LPP: variants seen among roughly 807,000 people sequenced by gnomAD.
The protein encoded by LPP is lipoma-preferred partner.
In LPP, 38 loss-of-function variants were observed where a neutral mutation model predicts 60.4. The observed-to-expected ratio is 0.63, with a 90% CI of 0.49 to 0.83. The LOEUF (loss-of-function observed/expected upper bound fraction) is 0.83, where lower values mean the gene tolerates loss of function less well. LPP is among the 40% of genes least tolerant of loss of function. The pLI, the probability that LPP is intolerant of heterozygous loss-of-function variation, is 0.00. For missense variants in LPP, 902 were observed against 783.6 expected (o/e 1.15, Z -1.80); for synonymous variants, 328 against 290.8 (o/e 1.13, Z -1.30).
intron 6 of LPP, among the ~76,000 whole-genome samples, chr3:188,530,454 C>A (rs1474045934): frequency 6.6e-6 from 1 of 152,152 alleles, no homozygotes; most frequent in Admixed American, 6.5e-5. Context: ...GAGTGAATTG[C>A]AGACAAAATG....
chr3:188,314,889 A>G (rs907573834), intron 2 of LPP, among the ~76,000 whole-genome samples: 1 of 152,144 alleles, frequency 6.6e-6, no homozygotes, highest in East Asian at 1.9e-4. Context: ...TAACATTTAC[A>G]TGGGTTATTT....
chr3:188,367,261 C>A (rs1457976818), intron 3 of LPP, among the ~76,000 whole-genome samples: 2 of 151,952 alleles, frequency 1.3e-5, no homozygotes, highest in African/African-American at 4.8e-5. Flanking sequence ...AGAAAGTTCC[C>A]CTTAGCATGG....
At chr3:188,457,135 G>A (rs898655702) in intron 4 of LPP, among the ~76,000 whole-genome samples, 51 of 152,276 alleles carry the variant, frequency 3.3e-4, no homozygotes, top group Admixed American at 2.4e-3. Flanking sequence ...CCCAGAATCT[G>A]GTCCTGCTCA....
At chr3:188,374,296 GGCA>G (rs1560315779) in intron 3 of LPP, among the ~76,000 whole-genome samples, 2 of 152,040 alleles carry the variant, frequency 1.3e-5, no homozygotes, top group Non-Finnish European at 2.9e-5. Flanking sequence ...AATTACCTTT[GGCA>G]GTATGGCCAT....
Position 188,524,685 on chromosome 3 carries a change from A to G in LPP, c.327A>G (p.Thr109=), listed in dbSNP as rs771843077. 3 of 1,613,916 alleles carry G rather than the reference A, an allele frequency of 1.9e-6. No individual in the cohort carries two copies. Among genetic ancestry groups the G allele is most frequent in the Non-Finnish European group, 2.5e-6 (3 of 1,179,892 alleles). ...FKVQGNPGGK[T]LEERRSSLDA... ...AACAGGGGAATCCCGGAGGCAAGAC[A>G]CTTGAGGAGAGGCGCTCCAGCCTGG... The change falls in exon 6 of 12, where the codon ACA becomes ACG. Residue 109 remains threonine, a synonymous_variant. Coordinates refer to ENST00000617246, the MANE Select transcript of LPP (RefSeq NM_001375462.1).
At chr3:188,590,351 T>A (rs946322102) in intron 6 of LPP, among the ~76,000 whole-genome samples, 1 of 152,124 alleles carries the variant, frequency 6.6e-6, no homozygotes, top group Non-Finnish European at 1.5e-5. Context: ...GGCGGGTGGA[T>A]CACTTGAGGT....
rs141276641 is a variant in LPP, at chr3:188,233,067, A to G, written c.-67+7540A>G. 2.0e-5 allele frequency among the ~76,000 whole-genome samples: 3 copies of G among 152,224 alleles called. No individual in the cohort carries two copies. The East Asian group carries it at 5.8e-4, about 29-fold the overall frequency. ...TGTCCTGTTTACACTGTCCCCTTGG[A>G]TTGGCCTAGACCTGCAGCGTTTGTG... On this transcript the variant is annotated intron_variant, in intron 2 of 11. Coordinates refer to ENST00000617246, the MANE Select transcript of LPP (RefSeq NM_001375462.1).
intron 8 of LPP, among the ~76,000 whole-genome samples, chr3:188,738,725 G>T (rs1723374721): frequency 6.6e-6 from 1 of 152,060 alleles, no homozygotes; most frequent in South Asian, 2.1e-4. Flanking sequence ...GATCCCTGGT[G>T]CTATGTGTAT....
chr3:188,262,754 A>G (rs1433019826), intron 2 of LPP, among the ~76,000 whole-genome samples: 1 of 151,844 alleles, frequency 6.6e-6, no homozygotes. Flanking sequence ...ACGGGGAAAA[A>G]AAATCACTCG....
intron 7 of LPP, among the ~76,000 whole-genome samples, chr3:188,651,552 G>A (rs1385179783): frequency 1.1e-4 from 16 of 152,110 alleles, no homozygotes; most frequent in Non-Finnish European, 2.9e-5. Flanking sequence ...ACCTGAGACT[G>A]GACAATTTAC....
At chr3:188,690,550 T>C (rs1418042327) in intron 7 of LPP, among the ~76,000 whole-genome samples, 2 of 152,222 alleles carry the variant, frequency 1.3e-5, no homozygotes, top group Admixed American at 6.5e-5. Flanking sequence ...GCCCTAATTT[T>C]CGTGTTCCCT....
At chr3:188,685,393 TG>T (rs1860488051) in intron 7 of LPP, among the ~76,000 whole-genome samples, 1 of 152,050 alleles carries the variant, frequency 6.6e-6, no homozygotes, top group African/African-American at 2.4e-5. Context: ...ATGGTCTCTG[TG>T]GTTGAATTGA....
chr3:188,536,601 T>C (rs898958244), intron 6 of LPP, among the ~76,000 whole-genome samples: 1 of 152,228 alleles, frequency 6.6e-6, no homozygotes, highest in Non-Finnish European at 1.5e-5. Context: ...AAAGAGAGTA[T>C]TGAATTTTAA....
At chr3:188,171,401 A>G (rs932433521) in intron 1 of LPP, among the ~76,000 whole-genome samples, 6 of 152,102 alleles carry the variant, frequency 3.9e-5, no homozygotes, top group African/African-American at 9.7e-5. Context: ...TTTCTTGTCT[A>G]CACCCTCAAT....
chr3:188,727,421 G>A (rs757869492), intron 8 of LPP, among the ~76,000 whole-genome samples: 1 of 152,100 alleles, frequency 6.6e-6, no homozygotes, highest in Non-Finnish European at 1.5e-5. Flanking sequence ...AAGATATTCT[G>A]TGTTTTAGTT....
chr3:188,553,396 A>G (rs1828677654), intron 6 of LPP, among the ~76,000 whole-genome samples: 1 of 152,148 alleles, frequency 6.6e-6, no homozygotes. Context: ...GAAGCTTGGT[A>G]GCAGGGAGGG....
chr3:188,504,100 C>T (rs1000753884), intron 5 of LPP, among the ~76,000 whole-genome samples: 2 of 152,212 alleles, frequency 1.3e-5, no homozygotes, highest in African/African-American at 4.8e-5. Flanking sequence ...TTGTGTCCCA[C>T]AGGTCTCTTA....
At chr3:188,444,171 T>C (rs1281381220) in intron 4 of LPP, among the ~76,000 whole-genome samples, 1 of 152,196 alleles carries the variant, frequency 6.6e-6, no homozygotes, top group African/African-American at 2.4e-5. Flanking sequence ...ATTTCAATAC[T>C]TTAAACTACA....
At position 188,883,954 on chromosome 3, in the gene LPP, A is replaced by G. The variant is rs1047993509; in HGVS notation, c.*9475A>G. 4.6e-5 allele frequency: 10 copies of G among 216,128 alleles called. No homozygotes were observed. Among genetic ancestry groups the G allele is most frequent in the Non-Finnish European group, 9.3e-5 (10 of 107,606 alleles). The allele number at this position is 216,128 out of a possible 1,614,324, so 13.4% of individuals were successfully genotyped here. ...GCTTTCCTCATTGCTCTGGATGACT[A>G]TTTAGTTTAAATAATATACCTTTGT... On this transcript the variant is annotated 3_prime_UTR_variant, in exon 12 of 12. Coordinates refer to ENST00000617246, the MANE Select transcript of LPP (RefSeq NM_001375462.1).
Sources: allele counts gnomAD v4.1 joint callset (sites outside exome capture counted in the v4.1 genomes callset), GRCh38; gene constraint gnomAD v4.1.1; transcripts MANE v1.5; gene names NCBI Gene and HGNC (gene_info 2026-07-23, HGNC 2026-07-21).